The following ASTN2 variants were observed in gnomAD, a reference collection of about 807,000 sequenced individuals.
ASTN2 encodes the protein astrotactin-2.
Under a neutral mutation model 139.8 loss-of-function variants are expected in ASTN2, and 54 were observed. The observed-to-expected ratio is 0.39, with a 90% CI of 0.31 to 0.48. The LOEUF is 0.48. Ranked by LOEUF, ASTN2 falls within the 20% of genes least tolerant of loss-of-function variation. The pLI is 0.95. For missense variants in ASTN2, 1,565 were observed against 1,725.1 expected (o/e 0.91, Z 1.64); for synonymous variants, 756 against 719.5 (o/e 1.05, Z -0.81).
intron 1 of ASTN2, among the ~76,000 whole-genome samples, chr9:117,347,800 T>A (rs1369891783): frequency 6.6e-6 from 1 of 152,122 alleles, no homozygotes; most frequent in Non-Finnish European, 1.5e-5. Context: ...TGACCTCACA[T>A]CTCTCCTTGT....
chr9:117,272,141 A>T (rs1203582131), intron 2 of ASTN2, among the ~76,000 whole-genome samples: 2 of 152,228 alleles, frequency 1.3e-5, no homozygotes, highest in African/African-American at 4.8e-5. Flanking sequence ...TCTGAAATCT[A>T]GGCAGAGGTT....
chr9:116,492,153 C>G (rs1849536174), intron 19 of ASTN2, among the ~76,000 whole-genome samples: 1 of 151,438 alleles, frequency 6.6e-6, no homozygotes, highest in Admixed American at 6.6e-5. Context: ...ATGATCTCAG[C>G]TCACTGCAAC....
At chr9:116,668,361 T>C (rs1346475557) in intron 16 of ASTN2, among the ~76,000 whole-genome samples, 3 of 152,120 alleles carry the variant, frequency 2.0e-5, no homozygotes, top group African/African-American at 7.2e-5. Flanking sequence ...CCGGCTAATT[T>C]TTGTATTTTT....
chr9:116,444,655 G>C lies in ASTN2; in HGVS notation c.3498-2102C>G, dbSNP rs146795819. 2.9e-3 allele frequency among the ~76,000 whole-genome samples: 446 copies of C among 152,232 alleles called. 4 individuals carry two copies. The highest frequency in any genetic ancestry group is 0.01 in the African/African-American group (424 of 41,558). On this transcript the variant is annotated intron_variant, in intron 20 of 22. Transcript: ENST00000313400. ...AGGGTACCACAAGTCAAAACTTCTTGGTACAAAGGAAGCAGGGGGTGACAG... is the reference window on the plus strand; with the variant it reads ...AGGGTACCACAAGTCAAAACTTCTTCGTACAAAGGAAGCAGGGGGTGACAG...
At chr9:116,745,267 T>G (rs752035991) in intron 13 of ASTN2, among the ~76,000 whole-genome samples, 1 of 152,222 alleles carries the variant, frequency 6.6e-6, no homozygotes, top group Non-Finnish European at 1.5e-5. Context: ...CTGTTTCGAC[T>G]TGTGCATTCT....
At chr9:116,655,059 T>C (rs1191757091) in intron 16 of ASTN2, among the ~76,000 whole-genome samples, 1 of 152,172 alleles carries the variant, frequency 6.6e-6, no homozygotes, top group Non-Finnish European at 1.5e-5. Flanking sequence ...TAAGGGTTAG[T>C]TTTGCCAAAG....
At chr9:117,181,512 G>C (rs10983560) in intron 3 of ASTN2, among the ~76,000 whole-genome samples, 13,959 of 152,068 alleles carry the variant, frequency 0.092, 730 homozygotes, top group East Asian at 0.18. Context: ...CTTTGTAAAT[G>C]GCCACCGAGT....
rs535966607 is a variant in ASTN2, at chr9:117,229,438, C to A, written c.631-14696G>T. Among the ~76,000 whole-genome samples the A allele has an allele frequency of 1.9e-4, 29 of 152,292 alleles. 1 individual carries two copies. In the South Asian group the frequency reaches 4.6e-3, roughly 24 times the overall value. On this transcript the variant is annotated intron_variant, in intron 2 of 22. Transcript: ENST00000313400. ...TCCAGCTGGGCTACCCAAGACTGGG[C>A]AGTCTCCTTAACTGAATCCCAGGGT...
chr9:116,676,018 G>A lies in ASTN2; in HGVS notation c.2807-24225C>T, dbSNP rs117779633. Among the ~76,000 whole-genome samples, 1,437 of 152,190 alleles carry A rather than the reference G, an allele frequency of 9.4e-3. 12 individuals are homozygous for A. The highest frequency in any genetic ancestry group is 0.034 in the Middle Eastern group (10 of 294). On this transcript the variant is annotated intron_variant, in intron 16 of 22. Coordinates refer to ENST00000313400, the MANE Select transcript of ASTN2 (RefSeq NM_001365068.1). ...ATTCAGTTCCCTAAGCAGCATATTG[G>A]GCAGCATTTGCAAATTAAGAATCTT...
chr9:116,924,506 T>C (rs1040947724), intron 10 of ASTN2, among the ~76,000 whole-genome samples: 1 of 152,004 alleles, frequency 6.6e-6, no homozygotes, highest in Non-Finnish European at 1.5e-5. Context: ...CTTATACTTA[T>C]TGTTACTTCT....
chr9:117,172,358 CACTGT>C (rs1830814485), intron 3 of ASTN2, among the ~76,000 whole-genome samples: 1 of 151,770 alleles, frequency 6.6e-6, no homozygotes, highest in African/African-American at 2.4e-5. Context: ...TTTCAAAGGC[CACTGT>C]ATCGGGAGGC....
At chr9:117,066,624 C>T (rs1391134152) in intron 5 of ASTN2, among the ~76,000 whole-genome samples, 1 of 151,180 alleles carries the variant, frequency 6.6e-6, no homozygotes, top group African/African-American at 2.4e-5. Context: ...AACTAGTTTA[C>T]AGTACCACCA....
rs188272019 is a variant in ASTN2, at chr9:117,018,238, C to T, written c.1424-9979G>A. On this transcript the variant is annotated intron_variant, in intron 6 of 22. Coordinates refer to ENST00000313400, the MANE Select transcript of ASTN2 (RefSeq NM_001365068.1). ...GTAAATTAACAAATGAATGAGTGCA[C>T]CTTGTGGCCTACAGGACCCACCAGC... Among the ~76,000 whole-genome samples the T allele has an allele frequency of 3.9e-4, 59 of 152,196 alleles. 1 individual carries two copies. Among genetic ancestry groups the T allele is most frequent in the Admixed American group, 3.9e-3 (59 of 15,278 alleles).
At chr9:116,777,113 G>A (rs1830103797) in intron 13 of ASTN2, among the ~76,000 whole-genome samples, 1 of 152,224 alleles carries the variant, frequency 6.6e-6, no homozygotes, top group Middle Eastern at 3.4e-3. Flanking sequence ...ACCAAATCTG[G>A]TTGGACAATG....
intron 2 of ASTN2, among the ~76,000 whole-genome samples, chr9:117,252,476 C>CT (rs2133093165): frequency 6.6e-6 from 1 of 152,322 alleles, no homozygotes; most frequent in Non-Finnish European, 1.5e-5. Flanking sequence ...CAGACACGCA[C>CT]TACCACCAAG....
At chr9:116,515,345 T>G (rs1004621038) in intron 19 of ASTN2, among the ~76,000 whole-genome samples, 2 of 152,132 alleles carry the variant, frequency 1.3e-5, no homozygotes, top group South Asian at 2.1e-4. Flanking sequence ...GAGATCTAGA[T>G]GTGAGGGAAA....
chr9:116,580,500 C>G (rs1853905669), intron 19 of ASTN2, among the ~76,000 whole-genome samples: 1 of 152,146 alleles, frequency 6.6e-6, no homozygotes, highest in African/African-American at 2.4e-5. Context: ...TCCAGTTACT[C>G]TGAATACCCT....
At chr9:117,039,421 G>A (rs1028096701) in intron 6 of ASTN2, among the ~76,000 whole-genome samples, 1 of 151,944 alleles carries the variant, frequency 6.6e-6, no homozygotes, top group Non-Finnish European at 1.5e-5. Flanking sequence ...ACACATTGGG[G>A]CCTGTTGGGG....
intron 3 of ASTN2, 42 bp downstream of exon 3, chr9:117,214,316 A>T (rs752818268): frequency 3.3e-6 from 5 of 1,533,158 alleles, no homozygotes; most frequent in Non-Finnish European, 4.4e-6. Flanking sequence ...CCATCTTTTC[A>T]AAATGCCCCC....
Sources: gnomAD v4.1 joint callset for allele counts (sites outside exome capture counted in the v4.1 genomes callset) on GRCh38, gnomAD v4.1.1 for gene constraint, MANE v1.5 for transcripts, NCBI Gene and HGNC (gene_info 2026-07-23, HGNC 2026-07-21) for gene names.